MYO18A: variants seen among roughly 807,000 people sequenced by gnomAD.
MYO18A encodes the protein myosin XVIIIA, also known as unconventional myosin-XVIIIa.
Under a neutral mutation model 235.8 loss-of-function variants are expected in MYO18A, and 78 were observed. That is an observed-to-expected ratio of 0.33 (90% confidence interval 0.28 to 0.40). The LOEUF (loss-of-function observed/expected upper bound fraction) is 0.40. Among genes scored for constraint, MYO18A ranks in the 10% least tolerant of loss-of-function variants. MYO18A has a pLI of 1.00. For missense variants in MYO18A, 2,215 were observed against 2,699.3 expected (o/e 0.82, Z 3.98); for synonymous variants, 977 against 1,077.8 (o/e 0.91, Z 1.83).
intron 2 of MYO18A, among the ~76,000 whole-genome samples, chr17:29,141,054 A>T (rs1480222702): frequency 6.6e-6 from 1 of 152,256 alleles, no homozygotes; most frequent in East Asian, 1.9e-4. Context: ...CCCCACTGCC[A>T]TCAGCACACA....
In MYO18A at chr17:29,106,382, G is replaced by C. The variant is rs1256573744; in HGVS notation, c.3441+698C>G. On this transcript the variant is annotated intron_variant, in intron 20 of 41. Coordinates refer to ENST00000527372, the MANE Select transcript of MYO18A (RefSeq NM_078471.4). This position sits in a 1 kb window ranked among gnomAD's most constrained non-coding sequence, Gnocchi z 4.6. ...GTGGAGGGGCAGGGGGGCACACACAGAGGCAGGCTGGGCACTCTGTGGGCT... is the reference window on the plus strand; with the variant it reads ...GTGGAGGGGCAGGGGGGCACACACACAGGCAGGCTGGGCACTCTGTGGGCT... Among the ~76,000 whole-genome samples the C allele has an allele frequency of 1.3e-5, 2 of 152,182 alleles. No individual in the cohort carries two copies. The highest frequency in any genetic ancestry group is 2.9e-5 in the Non-Finnish European group (2 of 68,028).
At chr17:29,115,196 C>A in intron 13 of MYO18A, 97 bp from the exon 14 acceptor site, 2 of 1,453,860 alleles carry the variant, frequency 1.4e-6, no homozygotes, top group Non-Finnish European at 1.9e-6. Flanking sequence ...CTGCCCAGGA[C>A]CCTGGTGGGG....
chr17:29,093,572 T>C (rs1477483060), intron 31 of MYO18A, 145 bp from the exon 32 acceptor site: 2 of 667,458 alleles, frequency 3.0e-6, no homozygotes, highest in Non-Finnish European at 5.2e-6. Context: ...AGAACCTAAA[T>C]TCCAGGTTTC....
At chr17:29,124,497 G>T (rs1315560089) in intron 2 of MYO18A, among the ~76,000 whole-genome samples, 3 of 152,170 alleles carry the variant, frequency 2.0e-5, no homozygotes, top group African/African-American at 7.2e-5. Flanking sequence ...CTCCCGCTGG[G>T]GTCCTCCCAG....
chr17:29,074,136 C>T lies in MYO18A; in HGVS notation c.*634G>A. 6.2e-7 allele frequency: 1 copy of T among 1,613,964 alleles called. No individual in the cohort carries two copies. Among genetic ancestry groups the T allele is most frequent in the Non-Finnish European group, 8.5e-7 (1 of 1,179,976 alleles). Reference sequence around the variant, plus strand: ...TTAAGAACCTGGACCCGGCTCTCCTCACCAGCGTCTCCAGCTGCACAGAGA... The same window carrying T: ...TTAAGAACCTGGACCCGGCTCTCCTTACCAGCGTCTCCAGCTGCACAGAGA... On this transcript the variant is annotated 3_prime_UTR_variant, in exon 42 of 42. Transcript: ENST00000527372. This position sits in a 1 kb window ranked among gnomAD's most constrained non-coding sequence, Gnocchi z 4.4.
chr17:29,080,113 G>A (rs1037639734), intron 41 of MYO18A: 1 of 985,840 alleles, frequency 1.0e-6, no homozygotes, highest in Non-Finnish European at 1.2e-6. Flanking sequence ...ATCAGCAGCA[G>A]AGGCGGAGCG....
chr17:29,114,173 G>C lies in MYO18A; in HGVS notation c.2512-76C>G, dbSNP rs866867875. 1.8e-5 allele frequency: 21 copies of C among 1,177,384 alleles called. No homozygotes were observed. The Middle Eastern group carries it at 9.5e-4, about 53-fold the overall frequency. The allele number at this position is 1,177,384 out of a possible 1,614,324, so 72.9% of individuals were successfully genotyped here. A position where few individuals can be genotyped will look rare whatever the true frequency, so the allele number is the denominator to read the frequency against. On this transcript the variant is annotated intron_variant, in intron 14 of 41. Transcript: ENST00000527372. Reference sequence around the variant, plus strand: ...ACAGCCTTGTGAGTAGGCTGGGAAGGGGCTCTGAGATCAGCAAGGCCAACC... The same window carrying C: ...ACAGCCTTGTGAGTAGGCTGGGAAGCGGCTCTGAGATCAGCAAGGCCAACC...
intron 41 of MYO18A, chr17:29,080,852 A>T: frequency 1.0e-6 from 1 of 985,036 alleles, no homozygotes; most frequent in Non-Finnish European, 1.2e-6. Flanking sequence ...CTCTCAGGGG[A>T]GGCCGCCCGC....
chr17:29,090,778 C>G (rs778841274), intron 35 of MYO18A, 32 bp downstream of exon 35: 1 of 1,588,852 alleles, frequency 6.3e-7, no homozygotes. Flanking sequence ...GGTGACGGTG[C>G]AGAGTGTGAC....
rs2066865200 is a variant in MYO18A at position 29,109,096 on chromosome 17, C to T, written c.3331+762G>A. 6.6e-6 allele frequency among the ~76,000 whole-genome samples: 1 copy of T among 151,690 alleles called. No homozygotes were observed. Among genetic ancestry groups the T allele is most frequent in the Admixed American group, 6.6e-5 (1 of 15,224 alleles). ...GTGGGTGGGTGGGACCCTACCTGCT[C>T]TTCTAGTGAAGGAGAAAAACAGCAG... On this transcript the variant is annotated intron_variant, in intron 19 of 41. Transcript: ENST00000527372. The surrounding 1 kb of genome is among the most constrained non-coding windows in gnomAD (Gnocchi z 4.1).
rs1826705115 is a variant in MYO18A at position 29,166,558 on chromosome 17, G to A, written c.383C>T (p.Ala128Val). Residue 128 changes from alanine (A) to valine (V), a missense_variant, in exon 2 of 42, where the codon GCC (alanine) becomes GTC (valine). Transcript: ENST00000527372. ...LQRAAKFGSL[A>V]KQNSQMIVKR... ...GACAATCATCTGTGAGTTCTGCTTG[G>A]CCAGTGAGCCGAACTTGGCTGCCCG... 1.2e-6 allele frequency: 2 copies of A among 1,613,674 alleles called. No homozygotes were observed.
intron 2 of MYO18A, among the ~76,000 whole-genome samples, chr17:29,144,410 A>G (rs1229610457): frequency 6.6e-6 from 1 of 152,064 alleles, no homozygotes; most frequent in Non-Finnish European, 1.5e-5. Flanking sequence ...CCATCTCTCC[A>G]GGCCCATCTC....
rs922410662 is a variant in MYO18A at position 29,098,406 on chromosome 17, C to T, written c.3820G>A (p.Glu1274Lys). 11 of 1,613,850 alleles carry T rather than the reference C, an allele frequency of 6.8e-6. No homozygotes were observed. Among genetic ancestry groups the T allele is most frequent in the Non-Finnish European group, 9.3e-6 (11 of 1,179,886 alleles). ...AGCCGCAGCTCGTTCCTCTCCTTCT[C>T]CGCCTTCTCGAGCTTGCTCCGCAGC... ...QQLRSKLEKA[E>K]KERNELRLNS... The change falls in exon 24 of 42, where the codon GAG (glutamate) becomes AAG (lysine). Residue 1274 changes from glutamate (E) to lysine (K), a missense_variant. Transcript: ENST00000527372.
intron 2 of MYO18A, among the ~76,000 whole-genome samples, chr17:29,133,434 T>TC (rs2067521433): frequency 6.6e-6 from 1 of 152,154 alleles, no homozygotes; most frequent in East Asian, 1.9e-4. Flanking sequence ...GCCCCCAGGA[T>TC]CAGGGAGACC....
rs571959410 is a variant in MYO18A, at chr17:29,120,226, T to G, written c.1728+390A>C. ...AAATGGGAGCTTGTGGTGAGGTATT[T>G]AGCATGGGAGGGAATCAGCCTTGGC... On this transcript the variant is annotated intron_variant, in intron 7 of 41. Transcript: ENST00000527372. The surrounding 1 kb of genome is among the most constrained non-coding windows in gnomAD (Gnocchi z 4.2). Among the ~76,000 whole-genome samples the G allele has an allele frequency of 1.7e-4, 26 of 152,336 alleles. No individual in the cohort carries two copies. The South Asian group carries it at 3.9e-3, about 23-fold the overall frequency.
intron 2 of MYO18A, among the ~76,000 whole-genome samples, chr17:29,157,565 A>G (rs2152959765): frequency 6.6e-6 from 1 of 152,316 alleles, no homozygotes; most frequent in South Asian, 2.1e-4. Flanking sequence ...TACCTGTGCA[A>G]CCTTACACAA....
At chr17:29,169,790 C>A (rs928926413) in intron 1 of MYO18A, among the ~76,000 whole-genome samples, 2 of 152,068 alleles carry the variant, frequency 1.3e-5, no homozygotes, top group African/African-American at 4.8e-5. Context: ...AATGCTGTCC[C>A]ACCAAGACGC....
chr17:29,083,992 T>A (rs1366310808), intron 40 of MYO18A, among the ~76,000 whole-genome samples: 1 of 152,254 alleles, frequency 6.6e-6, no homozygotes, highest in Non-Finnish European at 1.5e-5. Flanking sequence ...TCATTAAGGT[T>A]ATGGCAATAA....
intron 21 of MYO18A, among the ~76,000 whole-genome samples, chr17:29,101,943 C>T (rs1423084775): frequency 2.0e-5 from 3 of 152,182 alleles, no homozygotes; most frequent in South Asian, 2.1e-4. Flanking sequence ...CTCTGAGCCC[C>T]CCCAGAGTCC....
Sources: gnomAD v4.1 joint callset for allele counts (sites outside exome capture counted in the v4.1 genomes callset) on GRCh38, gnomAD v4.1.1 for gene constraint, Gnocchi (gnomAD v3.1) non-coding constraint, MANE v1.5 for transcripts, NCBI Gene and HGNC (gene_info 2026-07-23, HGNC 2026-07-21) for gene names.